Variants in OPCML observed in about 807,000 individuals in gnomAD.
OPCML encodes the protein opioid-binding protein/cell adhesion molecule.
In OPCML, 13 loss-of-function variants were observed where a neutral mutation model predicts 37.8. The observed-to-expected ratio is 0.34, with a 90% CI of 0.22 to 0.55. The LOEUF (loss-of-function observed/expected upper bound fraction) is 0.55, where lower values mean the gene tolerates loss of function less well. Ranked by LOEUF, OPCML falls within the 20% of genes least tolerant of loss-of-function variation. The probability of loss-of-function intolerance (pLI) is 0.91; values close to 1 mark genes in which losing one functional copy is unlikely to be tolerated. For synonymous variants in OPCML, 176 were observed against 168.8 expected (o/e 1.04, Z -0.33); for missense variants, 341 against 435.6 (o/e 0.78, Z 1.93).
intron 1 of OPCML, among the ~76,000 whole-genome samples, chr11:133,081,024 A>C (rs4936181): frequency 6.6e-6 from 1 of 151,860 alleles, no homozygotes; most frequent in East Asian, 1.9e-4. Flanking sequence ...GACCAGTTTC[A>C]ACATTATATC....
intron 3 of OPCML, among the ~76,000 whole-genome samples, chr11:132,643,727 C>A (rs1167945630): frequency 6.6e-6 from 1 of 152,194 alleles, no homozygotes; most frequent in East Asian, 1.9e-4. Context: ...CTTACCAGGG[C>A]TAACTCAGAC....
intron 2 of OPCML, among the ~76,000 whole-genome samples, chr11:132,807,329 T>C (rs1939076079): frequency 1.3e-5 from 2 of 152,034 alleles, no homozygotes; most frequent in African/African-American, 2.4e-5. Context: ...AGAATAAACA[T>C]GAGTCTATCA....
intron 1 of OPCML, among the ~76,000 whole-genome samples, chr11:132,975,382 G>A (rs1159126486): frequency 6.6e-6 from 1 of 150,434 alleles, no homozygotes; most frequent in Admixed American, 6.6e-5. Context: ...AAAATGCCAG[G>A]CAGAGAAAAT....
At chr11:133,073,471 A>T (rs1948575347) in intron 1 of OPCML, among the ~76,000 whole-genome samples, 1 of 152,226 alleles carries the variant, frequency 6.6e-6, no homozygotes, top group South Asian at 2.1e-4. Flanking sequence ...CAGGACAGGG[A>T]GCTGAGGGCA....
intron 3 of OPCML, among the ~76,000 whole-genome samples, chr11:132,629,644 A>G (rs1172338640): frequency 6.6e-6 from 1 of 152,050 alleles, no homozygotes; most frequent in Non-Finnish European, 1.5e-5. Flanking sequence ...TTTTTGCTTT[A>G]TTTTGTTTTT....
chr11:133,189,399 A>G (rs1938214910), intron 1 of OPCML, among the ~76,000 whole-genome samples: 4 of 152,196 alleles, frequency 2.6e-5, no homozygotes, highest in Admixed American at 2.6e-4. Flanking sequence ...GCAACTATGG[A>G]ACCTAACATT....
At chr11:132,724,458 T>C (rs1475899373) in intron 2 of OPCML, among the ~76,000 whole-genome samples, 2 of 152,086 alleles carry the variant, frequency 1.3e-5, no homozygotes, top group African/African-American at 4.8e-5. Context: ...CATGATTCAA[T>C]TACCTCCCAC....
chr11:133,197,218 A>G (rs1938570270), intron 1 of OPCML, among the ~76,000 whole-genome samples: 1 of 152,208 alleles, frequency 6.6e-6, no homozygotes, highest in Non-Finnish European at 1.5e-5. Context: ...GAGTGATACC[A>G]TCAGGTATAA....
chr11:132,417,629 T>C lies in OPCML; in HGVS notation c.*2564A>G, dbSNP rs1276824440. The C allele has an allele frequency of 6.6e-6, 1 of 152,168 alleles. No individual in the cohort carries two copies. Among genetic ancestry groups the C allele is most frequent in the East Asian group, 1.9e-4 (1 of 5,196 alleles). The allele number at this position is 152,168 out of a possible 1,614,324, so 9.4% of individuals were successfully genotyped here. On this transcript the variant is annotated 3_prime_UTR_variant, in exon 8 of 8. Coordinates refer to ENST00000524381, the MANE Select transcript of OPCML (RefSeq NM_001012393.5). Reference sequence around the variant, plus strand: ...CTTGGAGTGAGGAATAGGTCCAGCTTGTCCATTTCAAGCACTGTGTTCTCC... The same window carrying C: ...CTTGGAGTGAGGAATAGGTCCAGCTCGTCCATTTCAAGCACTGTGTTCTCC...
intron 1 of OPCML, among the ~76,000 whole-genome samples, chr11:133,110,973 A>G (rs1183317900): frequency 6.6e-6 from 1 of 152,196 alleles, no homozygotes. Flanking sequence ...TAAGGTGGGA[A>G]TGATAATAAT....
chr11:132,681,862 G>A (rs1344509182), intron 2 of OPCML, among the ~76,000 whole-genome samples: 1 of 152,082 alleles, frequency 6.6e-6, no homozygotes, highest in African/African-American at 2.4e-5. Flanking sequence ...GGCTGAGGCA[G>A]GAGAATGGCG....
At position 132,695,909 on chromosome 11, in the gene OPCML, C is replaced by T. The variant is rs892775521; in HGVS notation, c.147-38590G>A. Among the ~76,000 whole-genome samples, 4 of 152,168 alleles carry T rather than the reference C, an allele frequency of 2.6e-5. No individual in the cohort carries two copies. The South Asian group carries it at 8.3e-4, about 32-fold the overall frequency. On this transcript the variant is annotated intron_variant, in intron 2 of 7. Coordinates refer to ENST00000524381, the MANE Select transcript of OPCML (RefSeq NM_001012393.5). ...AAGTGTGAACTTGTCAGACAGAATTCGGAGTGGCTTGGAATTGAAGGCAGA... is the reference window on the plus strand; with the variant it reads ...AAGTGTGAACTTGTCAGACAGAATTTGGAGTGGCTTGGAATTGAAGGCAGA...
At chr11:132,902,570 T>C (rs575750451) in intron 2 of OPCML, among the ~76,000 whole-genome samples, 1 of 152,290 alleles carries the variant, frequency 6.6e-6, no homozygotes, top group African/African-American at 2.4e-5. Flanking sequence ...GAAATTCAGA[T>C]ATTTTACTGG....
At chr11:133,044,329 G>A (rs1947964114) in intron 1 of OPCML, among the ~76,000 whole-genome samples, 1 of 152,170 alleles carries the variant, frequency 6.6e-6, no homozygotes. Flanking sequence ...TAAGAAAGGA[G>A]ATAAGCAATG....
intron 2 of OPCML, among the ~76,000 whole-genome samples, chr11:132,929,725 G>T (rs1386080222): frequency 6.6e-6 from 1 of 152,138 alleles, no homozygotes; most frequent in Non-Finnish European, 1.5e-5. Context: ...ATAACCAAGT[G>T]AGATTTATTT....
At chr11:132,677,435 C>G (rs2135838980) in intron 2 of OPCML, among the ~76,000 whole-genome samples, 1 of 152,154 alleles carries the variant, frequency 6.6e-6, no homozygotes, top group East Asian at 1.9e-4. Context: ...AGGAAAAAGA[C>G]CCAGAATAAC....
At chr11:132,421,217 C>T (rs911899239) in intron 7 of OPCML, among the ~76,000 whole-genome samples, 10 of 152,060 alleles carry the variant, frequency 6.6e-5, no homozygotes, top group African/African-American at 1.9e-4. Context: ...TAGGGTGGTA[C>T]GCAAGACTAG....
intron 3 of OPCML, among the ~76,000 whole-genome samples, chr11:132,616,726 G>T (rs1325105684): frequency 6.6e-6 from 1 of 152,192 alleles, no homozygotes; most frequent in Non-Finnish European, 1.5e-5. Flanking sequence ...TATTCAAGGA[G>T]AATTTGTTGA....
At chr11:133,499,808 G>A (rs899790089) in intron 1 of OPCML, among the ~76,000 whole-genome samples, 17 of 133,054 alleles carry the variant, frequency 1.3e-4, no homozygotes, top group East Asian at 4.2e-4. Context: ...ATATGTGTGT[G>A]TATATATATA....
Sources: gnomAD v4.1 joint callset for allele counts (sites outside exome capture counted in the v4.1 genomes callset) on GRCh38, gnomAD v4.1.1 for gene constraint, MANE v1.5 for transcripts, NCBI Gene and HGNC (gene_info 2026-07-23, HGNC 2026-07-21) for gene names.